CNTN5: variants seen among roughly 807,000 people sequenced by gnomAD.
CNTN5 encodes contactin 5, also known as contactin-5.
A neutral mutation model predicts 129.1 loss-of-function variants in CNTN5; 77 were observed. The observed-to-expected ratio is 0.60, with a 90% CI of 0.50 to 0.72. The LOEUF is 0.72. Ranked by LOEUF, CNTN5 falls within the 30% of genes least tolerant of loss-of-function variation. The pLI is 0.00. For missense variants in CNTN5, 1,478 were observed against 1,328.8 expected (o/e 1.11, Z -1.75); for synonymous variants, 509 against 465.6 (o/e 1.09, Z -1.20).
intron 1 of CNTN5, among the ~76,000 whole-genome samples, chr11:99,043,834 A>G (rs1376691212): frequency 6.6e-6 from 1 of 152,214 alleles, no homozygotes; most frequent in African/African-American, 2.4e-5. Flanking sequence ...TTCTGCCAGC[A>G]TTGATTCAGA....
intron 9 of CNTN5, among the ~76,000 whole-genome samples, chr11:100,005,860 T>G (rs180690151): frequency 4.1e-4 from 63 of 152,316 alleles, no homozygotes; most frequent in Non-Finnish European, 6.8e-4. Context: ...CTTGCTATTT[T>G]CAACTTTACC....
At chr11:99,810,895 T>C (rs375681850) in intron 3 of CNTN5, among the ~76,000 whole-genome samples, 4 of 152,146 alleles carry the variant, frequency 2.6e-5, no homozygotes, top group Non-Finnish European at 5.9e-5. Context: ...TTCTGTATAC[T>C]CTGTCATGAA....
chr11:99,385,826 T>C (rs1295659922), intron 2 of CNTN5, among the ~76,000 whole-genome samples: 1 of 152,172 alleles, frequency 6.6e-6, no homozygotes, highest in Non-Finnish European at 1.5e-5. Context: ...TGGAATTCCA[T>C]ATATGGATTG....
chr11:100,143,562 T>C (rs551073753), intron 13 of CNTN5, among the ~76,000 whole-genome samples: 1 of 152,206 alleles, frequency 6.6e-6, no homozygotes, highest in Non-Finnish European at 1.5e-5. Context: ...AGAATGGCAA[T>C]GTGCAGCTGG....
chr11:99,486,360 A>G (rs953752315), intron 2 of CNTN5, among the ~76,000 whole-genome samples: 4 of 152,158 alleles, frequency 2.6e-5, no homozygotes, highest in Non-Finnish European at 5.9e-5. Flanking sequence ...TGAAAAGCTC[A>G]TACTGTGTAT....
chr11:100,031,080 T>C (rs960022859), intron 9 of CNTN5, among the ~76,000 whole-genome samples: 3 of 152,190 alleles, frequency 2.0e-5, no homozygotes, highest in African/African-American at 7.2e-5. Context: ...CTTAAAACTC[T>C]AGCAGCTGCT....
chr11:100,172,440 C>G (rs556001297), intron 13 of CNTN5, among the ~76,000 whole-genome samples: 9 of 152,052 alleles, frequency 5.9e-5, no homozygotes, highest in African/African-American at 2.2e-4. Context: ...ACATTTACAA[C>G]AGAATATGCT....
chr11:99,991,744 GT>G (rs571517206), intron 8 of CNTN5, among the ~76,000 whole-genome samples: 3,903 of 62,272 alleles, frequency 0.063, 186 homozygotes, highest in African/African-American at 0.24. Flanking sequence ...AGACATGCAG[GT>G]TTGTTTGTTT....
chr11:99,518,512 C>T (rs180935790), intron 2 of CNTN5, among the ~76,000 whole-genome samples: 21 of 152,164 alleles, frequency 1.4e-4, no homozygotes, highest in Admixed American at 2.6e-4. Context: ...CATATCACTG[C>T]AGTCACAACA....
At chr11:100,353,989 G>GTAT (rs781669160) in intron 24 of CNTN5, among the ~76,000 whole-genome samples, 2 of 151,592 alleles carry the variant, frequency 1.3e-5, no homozygotes, top group East Asian at 3.9e-4. Flanking sequence ...GTAGATTATA[G>GTAT]TATTATTATT....
intron 2 of CNTN5, among the ~76,000 whole-genome samples, chr11:99,464,164 C>T (rs1268111345): frequency 6.6e-6 from 1 of 152,168 alleles, no homozygotes; most frequent in African/African-American, 2.4e-5. Context: ...GTTCCTTGGA[C>T]TCTATTAGTG....
chr11:100,092,746 G>C (rs1330873774), intron 13 of CNTN5, among the ~76,000 whole-genome samples: 2 of 152,038 alleles, frequency 1.3e-5, no homozygotes, highest in African/African-American at 2.4e-5. Context: ...AATTTTATGT[G>C]ATTGTCCTCT....
chr11:99,581,450 T>C (rs1283819808), intron 3 of CNTN5, among the ~76,000 whole-genome samples: 8 of 148,516 alleles, frequency 5.4e-5, no homozygotes, highest in Non-Finnish European at 1.0e-4. Context: ...TCTCCCATTA[T>C]TATTGTGTGG....
At chr11:100,317,222 A>C (rs78917380) in intron 21 of CNTN5, among the ~76,000 whole-genome samples, 3,196 of 152,320 alleles carry the variant, frequency 0.021, 106 homozygotes, top group African/African-American at 0.071. Flanking sequence ...AGACAAAATA[A>C]ATGGGCCTCC....
At chr11:99,263,963 T>C (rs1218481652) in intron 1 of CNTN5, among the ~76,000 whole-genome samples, 2 of 152,152 alleles carry the variant, frequency 1.3e-5, no homozygotes, top group Non-Finnish European at 2.9e-5. Flanking sequence ...AATCAATAAG[T>C]ATTTATCATT....
chr11:99,842,738 T>A (rs1450325374), intron 4 of CNTN5, among the ~76,000 whole-genome samples: 3 of 152,158 alleles, frequency 2.0e-5, no homozygotes, highest in African/African-American at 7.2e-5. Context: ...TTATAAAAAT[T>A]TATAGAAGTT....
intron 3 of CNTN5, among the ~76,000 whole-genome samples, chr11:99,686,095 G>GTA (rs146871270): frequency 2.9e-4 from 43 of 150,752 alleles, no homozygotes; most frequent in South Asian, 1.0e-3. Flanking sequence ...TTCCACCTGT[G>GTA]TATATATATA....
At chr11:99,754,004 T>A (rs76370350) in intron 3 of CNTN5, among the ~76,000 whole-genome samples, 4 of 148,646 alleles carry the variant, frequency 2.7e-5, no homozygotes, top group African/African-American at 7.4e-5. Context: ...AAAAAATAAA[T>A]AACAACAACA....
chr11:99,944,654 C>T (rs971168595), intron 7 of CNTN5, among the ~76,000 whole-genome samples: 2 of 152,104 alleles, frequency 1.3e-5, no homozygotes, highest in Admixed American at 6.6e-5. Context: ...TGATAAACAA[C>T]TTCAGCTAAG....
Sources: gnomAD v4.1 joint callset for allele counts (sites outside exome capture counted in the v4.1 genomes callset) on GRCh38, gnomAD v4.1.1 for gene constraint, MANE v1.5 for transcripts, NCBI Gene and HGNC (gene_info 2026-07-23, HGNC 2026-07-21) for gene names.